Variants in RAB5IF observed in about 807,000 individuals in gnomAD.
The protein encoded by RAB5IF is RAB5 interacting factor, also known as GEL complex subunit OPTI.
A neutral mutation model predicts 20.3 loss-of-function variants in RAB5IF; 15 were observed. The ratio of observed to expected loss-of-function variants is 0.74; its 90% CI spans 0.50 to 1.14. The LOEUF (loss-of-function observed/expected upper bound fraction) is 1.14. RAB5IF is among the 50% of genes most tolerant of loss of function. The pLI is 0.00. For synonymous variants in RAB5IF, 67 were observed against 63.7 expected (o/e 1.05, Z -0.25); for missense variants, 148 against 159.5 (o/e 0.93, Z 0.39).
Position 36,609,256 on chromosome 20 carries a change from C to CACACACACACTA in RAB5IF, c.219-345_219-344insACACACACACTA, listed in dbSNP as rs1555790839. Among the ~76,000 whole-genome samples the CACACACACACTA allele has an allele frequency of 1.7e-4, 21 of 121,656 alleles. 1 individual carries two copies. Among genetic ancestry groups the CACACACACACTA allele is most frequent in the Middle Eastern group, 3.9e-3 (1 of 258 alleles). 79.8% of individuals were successfully genotyped at this position (121,656 alleles called of 152,430 possible). A position where few individuals can be genotyped will look rare whatever the true frequency, so the allele number is the denominator to read the frequency against. On this transcript the variant is annotated intron_variant, in intron 2 of 3. Coordinates refer to ENST00000344795, the MANE Select transcript of RAB5IF (RefSeq NM_018840.5). Reference sequence around the variant, plus strand: ...ACACACACACACACACACACACACACTATATATAGAGTTTCGCTGTTGCCC... The same window carrying CACACACACACTA: ...ACACACACACACACACACACACACACACACACACACTATATATATAGAGTTTCGCTGTTGCCC...
Position 36,605,971 on chromosome 20 carries a change from AGGAG to A in RAB5IF, c.22_25del (p.Glu8SerfsTer34). ...GGGAGGATGAGCGGCGGGCGGCGGAAGGAGGAGCCGCCTCAGCCGCAGCTGGCCA... is the reference window on the plus strand; with the variant it reads ...GGGAGGATGAGCGGCGGGCGGCGGAAGAGCCGCCTCAGCCGCAGCTGGCCA... On this transcript the variant is annotated frameshift_variant, in exon 1 of 4. Coordinates refer to ENST00000344795, the MANE Select transcript of RAB5IF (RefSeq NM_018840.5). LOFTEE classifies it high-confidence loss of function. 1 of 1,512,956 alleles carries A rather than the reference AGGAG, an allele frequency of 6.6e-7. No homozygotes were observed. 93.7% of individuals were successfully genotyped at this position (1,512,956 alleles called of 1,614,324 possible).
chr20:36,611,841 T>C (rs1018031076), intron 3 of RAB5IF, among the ~76,000 whole-genome samples, 169 bp from the exon 4 acceptor site: 5 of 152,054 alleles, frequency 3.3e-5, no homozygotes, highest in Non-Finnish European at 7.4e-5. Flanking sequence ...TGGGTTCTGT[T>C]AGTGACAGCG....
In RAB5IF at chr20:36,612,090, G is replaced by T. The variant is rs138992970; in HGVS notation, c.*39G>T. On this transcript the variant is annotated 3_prime_UTR_variant, in exon 4 of 4. Transcript: ENST00000344795. ...CCAAGTGCTCCCTATCCAGTCCAAA[G>T]GACCCTCTTGATTACAGCACAGGAA... 6.2e-7 allele frequency: 1 copy of T among 1,614,158 alleles called. No individual in the cohort carries two copies. Among genetic ancestry groups the T allele is most frequent in the African/African-American group, 1.3e-5 (1 of 75,014 alleles).
rs368627271 is a variant in RAB5IF, at chr20:36,609,675, G to A, written c.293G>A (p.Gly98Asp). The change falls in exon 3 of 4, where the codon GGT becomes GAT. Residue 98 changes from glycine to aspartate, a missense_variant. Coordinates refer to ENST00000344795, the MANE Select transcript of RAB5IF (RefSeq NM_018840.5). ...CTACAGATTGATGAGGAAGAATATG[G>A]TGGCACGTGGGAGCTCACGAAGGAA... ...NYLQIDEEEYGGTWELTKEGF... is the reference protein window; with the variant it reads ...NYLQIDEEEYDGTWELTKEGF... 1.9e-6 allele frequency: 3 copies of A among 1,614,148 alleles called. No homozygotes were observed. Among genetic ancestry groups the A allele is most frequent in the Non-Finnish European group, 1.7e-6 (2 of 1,180,000 alleles).
At chr20:36,606,999 TC>T (rs2038950329) in intron 1 of RAB5IF, among the ~76,000 whole-genome samples, 1 of 152,214 alleles carries the variant, frequency 6.6e-6, no homozygotes, top group Non-Finnish European at 1.5e-5. Context: ...ATCTGCTGTG[TC>T]ATTTCTTTCT....
rs1322272904 is a variant in RAB5IF, at chr20:36,607,598, C to T, written c.115-117C>T. On this transcript the variant is annotated intron_variant, in intron 1 of 3. Transcript: ENST00000344795. ...TGAAACAGGAAGCACATACTGTTGC[C>T]TTTGGGGGGAAACAAATTTCCTGGA... is the stretch of plus-strand genomic sequence containing the variant. 6.5e-6 allele frequency: 8 copies of T among 1,230,960 alleles called. No homozygotes were observed. In the East Asian group the frequency reaches 1.0e-4, roughly 16 times the overall value. 76.3% of individuals were successfully genotyped at this position (1,230,960 alleles called of 1,614,324 possible).
In RAB5IF at chr20:36,606,000, A is replaced by G; in HGVS notation, c.49A>G (p.Asn17Asp). The change falls in exon 1 of 4, where the codon AAC (asparagine) becomes GAC (aspartate). Residue 17 changes from asparagine (N) to aspartate (D), a missense_variant. Asn to Asp is a conservative substitution (Grantham distance 23, BLOSUM62 1). Transcript: ENST00000344795. ...KEEPPQPQLA[N>D]GALKVSVWSK... Reference sequence around the variant, plus strand: ...GGAGCCGCCTCAGCCGCAGCTGGCCAACGGGGCCCTCAAAGTCTCCGTCTG... The same window carrying G: ...GGAGCCGCCTCAGCCGCAGCTGGCCGACGGGGCCCTCAAAGTCTCCGTCTG... 2 of 1,528,490 alleles carry G rather than the reference A, an allele frequency of 1.3e-6. No homozygotes were observed. The highest frequency in any genetic ancestry group is 2.0e-5 in the Admixed American group (1 of 49,434). 94.7% of individuals were successfully genotyped at this position (1,528,490 alleles called of 1,614,324 possible).
intron 3 of RAB5IF, 49 bp downstream of exon 3, chr20:36,609,779 T>G: frequency 6.2e-7 from 1 of 1,613,780 alleles, no homozygotes; most frequent in Non-Finnish European, 8.5e-7. Flanking sequence ...TTTCATGAGG[T>G]GTCACTCACA....
In RAB5IF at chr20:36,612,197, G is replaced by A. The variant is rs754188455; in HGVS notation, c.*146G>A. The A allele has an allele frequency of 1.9e-6, 3 of 1,614,112 alleles. No individual in the cohort carries two copies. Among genetic ancestry groups the A allele is most frequent in the East Asian group, 4.5e-5 (2 of 44,902 alleles). Reference sequence around the variant, plus strand: ...CCGCGAATCAGTGTGTTGGGCATCAGTGTTTTCTGCAAGGGTTGTGACCTG... The same window carrying A: ...CCGCGAATCAGTGTGTTGGGCATCAATGTTTTCTGCAAGGGTTGTGACCTG... On this transcript the variant is annotated 3_prime_UTR_variant, in exon 4 of 4. Coordinates refer to ENST00000344795, the MANE Select transcript of RAB5IF (RefSeq NM_018840.5).
chr20:36,609,711 C>A lies in RAB5IF; in HGVS notation c.329C>A (p.Thr110Asn), dbSNP rs747302759. The change falls in exon 3 of 4, where the codon ACC becomes AAC. Residue 110 changes from threonine to asparagine, a missense_variant. Physicochemically the swap from Thr to Asn is moderately conservative, Grantham distance 65. Coordinates refer to ENST00000344795, the MANE Select transcript of RAB5IF (RefSeq NM_018840.5). ...GAGCTCACGAAGGAAGGGTTTATGA[C>A]CTCTTTTGCCTTGTTCATGGTATGT... ...TWELTKEGFM[T>N]SFALFMVIWI... 1.2e-6 allele frequency: 2 copies of A among 1,614,200 alleles called. No homozygotes were observed. Among genetic ancestry groups the A allele is most frequent in the Non-Finnish European group, 8.5e-7 (1 of 1,180,036 alleles).
intron 2 of RAB5IF, among the ~76,000 whole-genome samples, chr20:36,609,271 C>G (rs939464480): frequency 6.9e-6 from 1 of 144,462 alleles, no homozygotes; most frequent in Non-Finnish European, 1.5e-5. Flanking sequence ...TATAGAGTTT[C>G]GCTGTTGCCC....
In RAB5IF at chr20:36,612,101, AT is replaced by A; in HGVS notation, c.*52del. ...CTATCCAGTCCAAAGGACCCTCTTG[AT>A]TACAGCACAGGAACTTGATCGTTGG... is the stretch of plus-strand genomic sequence containing the variant. On this transcript the variant is annotated 3_prime_UTR_variant, in exon 4 of 4. Coordinates refer to ENST00000344795, the MANE Select transcript of RAB5IF (RefSeq NM_018840.5). 6.2e-7 allele frequency: 1 copy of A among 1,614,156 alleles called. No individual in the cohort carries two copies. The highest frequency in any genetic ancestry group is 8.5e-7 in the Non-Finnish European group (1 of 1,180,022).
intron 3 of RAB5IF, 84 bp from the exon 4 acceptor site, chr20:36,611,926 A>G: frequency 6.3e-7 from 1 of 1,578,786 alleles, no homozygotes; most frequent in South Asian, 1.1e-5. Context: ...CCCCGTGTTT[A>G]CATTCTCATC....
Position 36,612,306 on chromosome 20 carries a change from T to TAACA in RAB5IF, c.*256_*259dup. On this transcript the variant is annotated 3_prime_UTR_variant, in exon 4 of 4. Coordinates refer to ENST00000344795, the MANE Select transcript of RAB5IF (RefSeq NM_018840.5). ...CCATTTCTTCTTGGATACCATCAAGTAACAGCTATTATTTGCCAAGTGGAG... is the reference window on the plus strand; with the variant it reads ...CCATTTCTTCTTGGATACCATCAAGTAACAAACAGCTATTATTTGCCAAGTGGAG... 1.5e-6 allele frequency: 2 copies of TAACA among 1,293,714 alleles called. No individual in the cohort carries two copies. Among genetic ancestry groups the TAACA allele is most frequent in the Non-Finnish European group, 2.2e-6 (2 of 894,336 alleles). The allele number at this position is 1,293,714 out of a possible 1,614,324, so 80.1% of individuals were successfully genotyped here. A position where few individuals can be genotyped will look rare whatever the true frequency, so the allele number is the denominator to read the frequency against.
chr20:36,612,507 CATT>C lies in RAB5IF; in HGVS notation c.*457_*459del. On this transcript the variant is annotated 3_prime_UTR_variant, in exon 4 of 4. Transcript: ENST00000344795. The stretch of plus-strand genomic sequence containing the variant: ...ACATGCAGCATCTAATAAGAGTTTC[CATT>C]GTAGAATGTTTTCACATACTTGAAT... 3 of 451,410 alleles carry C rather than the reference CATT, an allele frequency of 6.6e-6. No individual in the cohort carries two copies. Among genetic ancestry groups the C allele is most frequent in the Non-Finnish European group, 1.2e-5 (3 of 246,048 alleles). 28.0% of individuals were successfully genotyped at this position (451,410 alleles called of 1,614,324 possible).
chr20:36,609,247 ACACACACACT>A (rs1568595747), intron 2 of RAB5IF, among the ~76,000 whole-genome samples: 2 of 134,094 alleles, frequency 1.5e-5, no homozygotes, highest in African/African-American at 6.5e-5. Context: ...ACACACACAC[ACACACACACT>A]ATATATAGAG....
At chr20:36,609,233 A>AAGGGG (rs2039038388) in intron 2 of RAB5IF, among the ~76,000 whole-genome samples, 1 of 126,970 alleles carries the variant, frequency 7.9e-6, no homozygotes, top group Non-Finnish European at 1.6e-5. Flanking sequence ...ACACACACAC[A>AAGGGG]CACACACACA....
intron 2 of RAB5IF, among the ~76,000 whole-genome samples, chr20:36,609,256 C>CACACACACACACTATA (rs1555790839): frequency 1.6e-5 from 2 of 121,580 alleles, no homozygotes; most frequent in Non-Finnish European, 3.3e-5. Flanking sequence ...CACACACACA[C>CACACACACACACTATA]TATATATAGA....
At chr20:36,610,424 G>A (rs937796624) in intron 3 of RAB5IF, among the ~76,000 whole-genome samples, 1 of 152,110 alleles carries the variant, frequency 6.6e-6, no homozygotes, top group Non-Finnish European at 1.5e-5. Flanking sequence ...TGAAGTGGCC[G>A]GGCGCGGTCG....
Sources: gnomAD v4.1 joint callset for allele counts (sites outside exome capture counted in the v4.1 genomes callset) on GRCh38, gnomAD v4.1.1 for gene constraint, MANE v1.5 for transcripts, NCBI Gene and HGNC (gene_info 2026-07-23, HGNC 2026-07-21) for gene names.